The following DGKB variants were observed in gnomAD, a reference collection of about 807,000 sequenced individuals.
DGKB encodes 90 kDa diacylglycerol kinase.
In DGKB, 67 loss-of-function variants were observed where a neutral mutation model predicts 114.3. That is an observed-to-expected ratio of 0.59 (90% CI 0.48 to 0.72). The LOEUF (loss-of-function observed/expected upper bound fraction) is 0.72. Among genes scored for constraint, DGKB ranks in the 30% least tolerant of loss-of-function variants. The probability of loss-of-function intolerance (pLI) is 0.00; values close to 1 mark genes in which losing one functional copy is unlikely to be tolerated. For missense variants in DGKB, 907 were observed against 975.2 expected (o/e 0.93, Z 0.93); for synonymous variants, 398 against 323.1 (o/e 1.23, Z -2.49).
intron 21 of DGKB, among the ~76,000 whole-genome samples, chr7:14,363,598 C>T (rs929380831): frequency 6.6e-6 from 1 of 151,874 alleles, no homozygotes; most frequent in Non-Finnish European, 1.5e-5. Context: ...TAAGATTGTG[C>T]TAGTGGGTTA....
intron 25 of DGKB, among the ~76,000 whole-genome samples, chr7:14,174,380 G>A (rs1457188647): frequency 1.3e-5 from 2 of 152,188 alleles, no homozygotes; most frequent in Non-Finnish European, 2.9e-5. Context: ...CATGGGTCAA[G>A]TGTCTCCAAC....
intron 2 of DGKB, among the ~76,000 whole-genome samples, chr7:14,837,892 T>C (rs1847374965): frequency 6.6e-6 from 1 of 152,224 alleles, no homozygotes; most frequent in South Asian, 2.1e-4. Context: ...GCAGGAAATC[T>C]AGCACTTTTC....
intron 15 of DGKB, among the ~76,000 whole-genome samples, chr7:14,619,319 T>C (rs987065923): frequency 1.3e-5 from 2 of 151,630 alleles, no homozygotes; most frequent in Non-Finnish European, 3.0e-5. Flanking sequence ...ACAAAGAATG[T>C]TAATCATCTA....
rs10583401 is a variant in DGKB at position 14,488,648 on chromosome 7, T to TAAAA, written c.1771-10427_1771-10424dup. ...CAACATGGTGAAGCCCCATTTCCAC[T>TAAAA]AAAAAAAAAAAAAAAAGTATATATA... On this transcript the variant is annotated intron_variant, in intron 20 of 25. Transcript: ENST00000402815. Among the ~76,000 whole-genome samples, 7 of 121,286 alleles carry TAAAA rather than the reference T, an allele frequency of 5.8e-5. No homozygotes were observed. The East Asian group carries it at 1.6e-3, about 27-fold the overall frequency. 79.6% of individuals were successfully genotyped at this position (121,286 alleles called of 152,430 possible). A position where few individuals can be genotyped will look rare whatever the true frequency, so the allele number is the denominator to read the frequency against.
chr7:14,946,596 A>T (rs545788967), intron 1 of DGKB, among the ~76,000 whole-genome samples: 4 of 151,886 alleles, frequency 2.6e-5, no homozygotes, highest in African/African-American at 9.6e-5. Context: ...ACATACACAC[A>T]AATATCAGGC....
At chr7:14,244,637 T>A (rs976192967) in intron 23 of DGKB, among the ~76,000 whole-genome samples, 9 of 124,592 alleles carry the variant, frequency 7.2e-5, no homozygotes, top group African/African-American at 2.8e-4. Context: ...GCCACTGCAA[T>A]CCAGCCTGGG....
chr7:14,180,838 G>C (rs918219924), intron 23 of DGKB, among the ~76,000 whole-genome samples: 2 of 152,052 alleles, frequency 1.3e-5, no homozygotes, highest in Non-Finnish European at 2.9e-5. Flanking sequence ...TGGAACATCA[G>C]ACTTCCTCAC....
chr7:14,346,175 G>C (rs557570383), intron 21 of DGKB, among the ~76,000 whole-genome samples: 103 of 151,746 alleles, frequency 6.8e-4, no homozygotes, highest in South Asian at 3.7e-3. Flanking sequence ...TCAAATTAAA[G>C]TATTCTGTTT....
chr7:14,919,095 A>AACACACACACACAC (rs3036019), intron 1 of DGKB, among the ~76,000 whole-genome samples: 60 of 114,966 alleles, frequency 5.2e-4, no homozygotes, highest in African/African-American at 2.0e-3. Flanking sequence ...CACACACACA[A>AACACACACACACAC]ACACACACAC....
intron 21 of DGKB, among the ~76,000 whole-genome samples, chr7:14,367,794 G>T (rs976094244): frequency 2.0e-5 from 3 of 151,918 alleles, no homozygotes; most frequent in Non-Finnish European, 2.9e-5. Flanking sequence ...TTGTCACAGG[G>T]TGGCAGGAGA....
intron 2 of DGKB, among the ~76,000 whole-genome samples, chr7:14,800,277 C>G (rs138074733): frequency 6.6e-6 from 1 of 152,170 alleles, no homozygotes; most frequent in African/African-American, 2.4e-5. Flanking sequence ...TGGTTACTAC[C>G]GAGTGTCAAC....
chr7:14,388,454 ATATC>A (rs924619612), intron 21 of DGKB, among the ~76,000 whole-genome samples: 3 of 148,594 alleles, frequency 2.0e-5, no homozygotes, highest in Admixed American at 6.7e-5. Context: ...TAAAATATAT[ATATC>A]TAAGTAAAAA....
At chr7:14,787,177 A>G (rs568244274) in intron 2 of DGKB, among the ~76,000 whole-genome samples, 23 of 152,334 alleles carry the variant, frequency 1.5e-4, no homozygotes, top group Admixed American at 1.4e-3. Flanking sequence ...CCAAGAACTC[A>G]GGACCAGCTT....
intron 10 of DGKB, among the ~76,000 whole-genome samples, chr7:14,684,692 C>T (rs989717612): frequency 1.2e-4 from 18 of 152,250 alleles, no homozygotes; most frequent in Middle Eastern, 6.8e-3. Flanking sequence ...GCTCTGCATT[C>T]CAATGTCTAT....
At chr7:14,811,041 AGATGTTTT>A (rs1843372413) in intron 2 of DGKB, among the ~76,000 whole-genome samples, 1 of 152,188 alleles carries the variant, frequency 6.6e-6, no homozygotes, top group Admixed American at 6.5e-5. Context: ...TTACAGTTTC[AGATGTTTT>A]AAACAGTCCA....
At chr7:14,387,697 G>T (rs952438820) in intron 21 of DGKB, among the ~76,000 whole-genome samples, 5 of 152,064 alleles carry the variant, frequency 3.3e-5, no homozygotes, top group African/African-American at 1.2e-4. Context: ...GATTACAGTT[G>T]TGAGCCACCA....
intron 23 of DGKB, among the ~76,000 whole-genome samples, chr7:14,222,379 T>G (rs1054375143): frequency 6.6e-6 from 1 of 151,336 alleles, no homozygotes. Flanking sequence ...ATTTCCTTTT[T>G]GATTTCTTCA....
intron 20 of DGKB, among the ~76,000 whole-genome samples, chr7:14,485,376 A>G (rs774378198): frequency 7.3e-5 from 11 of 150,632 alleles, no homozygotes; most frequent in Non-Finnish European, 1.5e-4. Flanking sequence ...CACATCTGCA[A>G]TTTTGCCTGC....
chr7:14,471,635 G>A (rs1235900439), intron 21 of DGKB, among the ~76,000 whole-genome samples: 1 of 151,596 alleles, frequency 6.6e-6, no homozygotes, highest in Admixed American at 6.6e-5. Context: ...TGAAGGTTAT[G>A]TACGTAAAGG....
Sources: gnomAD v4.1 joint callset for allele counts (sites outside exome capture counted in the v4.1 genomes callset) on GRCh38, gnomAD v4.1.1 for gene constraint, MANE v1.5 for transcripts, NCBI Gene and HGNC (gene_info 2026-07-23, HGNC 2026-07-21) for gene names.